Variants in ACTR3C observed in about 807,000 individuals in gnomAD.
ACTR3C encodes actin related protein 3C.
A neutral mutation model predicts 26.3 loss-of-function variants in ACTR3C; 18 were observed. The observed-to-expected ratio is 0.68, with a 90% confidence interval of 0.47 to 1.01. The LOEUF (loss-of-function observed/expected upper bound fraction) is 1.01. Among genes scored for constraint, ACTR3C ranks in the 50% least tolerant of loss-of-function variants. The pLI is 0.00. For missense variants in ACTR3C, 184 were observed against 250.7 expected (o/e 0.73, Z 1.80); for synonymous variants, 55 against 94.5 (o/e 0.58, Z 2.42).
chr7:149,931,218 C>T, the ACTR3C span, among the ~76,000 whole-genome samples: 1 of 152,226 alleles, frequency 6.6e-6, no homozygotes, highest in South Asian at 2.1e-4. Flanking sequence ...GGGGTTTTGG[C>T]TTCTGTAGGT....
the ACTR3C span, chr7:150,073,509 A>G: frequency 6.7e-6 from 1 of 148,446 alleles, no homozygotes; most frequent in Non-Finnish European, 1.5e-5. Context: ...CATATTTTTT[A>G]AAAGTACTCA....
chr7:149,912,165 CTAGTAGATACCTGA>C, the ACTR3C span, among the ~76,000 whole-genome samples: 2 of 151,624 alleles, frequency 1.3e-5, no homozygotes, highest in Non-Finnish European at 2.9e-5. Context: ...AATGGTAAAT[CTAGTAGATACCTGA>C]TAGGCCTTCA....
chr7:149,885,078 G>A, the ACTR3C span, among the ~76,000 whole-genome samples: 8 of 152,144 alleles, frequency 5.3e-5, no homozygotes, highest in Middle Eastern at 3.4e-3. Context: ...TAGCAGTACC[G>A]CCTCCCTTTA....
At chr7:150,249,936 C>G (rs1224921055) in intron 6 of ACTR3C, among the ~76,000 whole-genome samples, 1 of 152,208 alleles carries the variant, frequency 6.6e-6, no homozygotes, top group African/African-American at 2.4e-5. Context: ...TAAGGCCTCA[C>G]TTCCGGGGAC....
chr7:150,190,451 A>G, the ACTR3C span, among the ~76,000 whole-genome samples: 3 of 152,238 alleles, frequency 2.0e-5, no homozygotes, highest in Non-Finnish European at 2.9e-5. Context: ...CTAAGTCTCA[A>G]TGTCACACAA....
chr7:150,151,888 A>T, the ACTR3C span, among the ~76,000 whole-genome samples: 9 of 138,302 alleles, frequency 6.5e-5, 3 homozygotes, highest in East Asian at 1.0e-3. Context: ...ATAATAATAA[A>T]AAAAATTTCC....
chr7:150,044,914 G>C, the ACTR3C span: 5 of 152,196 alleles, frequency 3.3e-5, no homozygotes, highest in Admixed American at 1.3e-4. Flanking sequence ...GGACTGAAAA[G>C]GCAAGAGTGA....
the ACTR3C span, among the ~76,000 whole-genome samples, chr7:150,029,154 G>A: frequency 6.6e-6 from 1 of 152,036 alleles, no homozygotes; most frequent in Non-Finnish European, 1.5e-5. Flanking sequence ...AGTGGCCTGT[G>A]TTCAGCACAA....
the ACTR3C span, among the ~76,000 whole-genome samples, chr7:149,893,109 C>A: frequency 6.6e-6 from 1 of 152,174 alleles, no homozygotes; most frequent in Non-Finnish European, 1.5e-5. Context: ...TGGAGGGCAT[C>A]ACAAAGATTC....
the ACTR3C span, among the ~76,000 whole-genome samples, chr7:150,111,211 C>T: frequency 1.6e-5 from 2 of 122,936 alleles, no homozygotes; most frequent in Non-Finnish European, 3.4e-5. Context: ...TGAGCACCCC[C>T]CTTTTCCTCC....
the ACTR3C span, among the ~76,000 whole-genome samples, chr7:149,972,969 C>T: frequency 2.1e-4 from 32 of 151,860 alleles, no homozygotes; most frequent in African/African-American, 5.8e-4. Context: ...GTGGGTGGCA[C>T]GCCTGTCCCA....
the ACTR3C span, among the ~76,000 whole-genome samples, chr7:150,042,383 G>C: frequency 6.8e-6 from 1 of 146,868 alleles, no homozygotes; most frequent in Non-Finnish European, 1.5e-5. Context: ...TAAGAGCAAA[G>C]GGGGGAAGAG....
the ACTR3C span, among the ~76,000 whole-genome samples, chr7:149,979,471 G>A: frequency 6.6e-6 from 1 of 152,110 alleles, no homozygotes; most frequent in African/African-American, 2.4e-5. Flanking sequence ...TAAAATAGGA[G>A]AAGAACAAGA....
chr7:149,985,695 A>G, the ACTR3C span, among the ~76,000 whole-genome samples: 2 of 152,154 alleles, frequency 1.3e-5, no homozygotes, highest in African/African-American at 4.8e-5. Flanking sequence ...TGGAGCTGAC[A>G]ATAATCACAA....
Position 150,316,480 on chromosome 7 carries a change from GTTA to G in ACTR3C, c.-52+6986_-52+6988del, listed in dbSNP as rs1189361603. ...TTTTCCATCTGAACTTTAGAATCTG[GTTA>G]TTTTTTTTTTTTTTTTTTTTTTTGA... On this transcript the variant is annotated intron_variant, in intron 1 of 7. Coordinates refer to ENST00000683684, the MANE Select transcript of ACTR3C (RefSeq NM_001164458.2). 3.8e-3 allele frequency among the ~76,000 whole-genome samples: 497 copies of G among 131,632 alleles called. 16 individuals carry two copies. Among genetic ancestry groups the G allele is most frequent in the Middle Eastern group, 7.9e-3 (2 of 254 alleles). The allele number at this position is 131,632 out of a possible 152,430, so 86.4% of individuals were successfully genotyped here.
At chr7:150,118,805 G>A in the ACTR3C span, among the ~76,000 whole-genome samples, 1 of 145,042 alleles carries the variant, frequency 6.9e-6, no homozygotes, top group Non-Finnish European at 1.5e-5. Flanking sequence ...AGGTTGAAAT[G>A]AAGGAAAAAA....
the ACTR3C span, among the ~76,000 whole-genome samples, chr7:150,005,892 T>A: frequency 7.7e-4 from 117 of 152,260 alleles, no homozygotes; most frequent in African/African-American, 2.7e-3. Flanking sequence ...TTACAAGAAA[T>A]GCATTCAGAT....
At chr7:149,927,753 G>A in the ACTR3C span, among the ~76,000 whole-genome samples, 3 of 151,588 alleles carry the variant, frequency 2.0e-5, no homozygotes, top group East Asian at 3.9e-4. Context: ...AAAGGGCCAG[G>A]GTAAGACCCA....
chr7:149,923,064 C>T, the ACTR3C span, among the ~76,000 whole-genome samples: 1 of 121,414 alleles, frequency 8.2e-6, no homozygotes, highest in Non-Finnish European at 1.6e-5. Flanking sequence ...CATAATTACT[C>T]ATAGTTGGGA....
Sources: allele counts gnomAD v4.1 joint callset (sites outside exome capture counted in the v4.1 genomes callset), GRCh38; gene constraint gnomAD v4.1.1; transcripts MANE v1.5; gene names NCBI Gene and HGNC (gene_info 2026-07-23, HGNC 2026-07-21).